Variants in MAST4 observed in about 807,000 individuals in gnomAD.
MAST4 encodes microtubule-associated serine/threonine-protein kinase 4.
MAST4 carries 89 observed loss-of-function variants against 162.7 expected under a neutral mutation model. The ratio of observed to expected loss-of-function variants is 0.55; its 90% CI spans 0.46 to 0.65. MAST4 has a LOEUF of 0.65. Among genes scored for constraint, MAST4 ranks in the 30% least tolerant of loss-of-function variants. MAST4 has a pLI of 0.00. For synonymous variants in MAST4, 1,479 were observed against 1,361.1 expected (o/e 1.09, Z -1.91); for missense variants, 3,153 against 3,374.0 (o/e 0.93, Z 1.62).
At chr5:66,992,296 TAAAAG>T (rs901218535) in intron 4 of MAST4, among the ~76,000 whole-genome samples, 12 of 152,154 alleles carry the variant, frequency 7.9e-5, no homozygotes, top group African/African-American at 2.7e-4. Context: ...ATGAGGAAAA[TAAAAG>T]AGATAGTGTC....
intron 3 of MAST4, among the ~76,000 whole-genome samples, chr5:66,825,607 A>G (rs950212343): frequency 2.6e-5 from 4 of 152,168 alleles, no homozygotes; most frequent in Non-Finnish European, 1.5e-5. Context: ...CTCAGTTGGT[A>G]TTTGGAATTG....
intron 11 of MAST4, 97 bp from the exon 12 acceptor site, chr5:67,113,990 G>T: frequency 7.2e-7 from 1 of 1,379,890 alleles, no homozygotes; most frequent in South Asian, 1.3e-5. Context: ...TTACAGCCAT[G>T]TATACCCAGC....
chr5:66,709,522 G>T (rs2149521668), intron 1 of MAST4, among the ~76,000 whole-genome samples: 1 of 127,352 alleles, frequency 7.9e-6, no homozygotes, highest in East Asian at 2.1e-4. Context: ...TTGCTATGTT[G>T]TCCAGGGTGG....
intron 4 of MAST4, among the ~76,000 whole-genome samples, chr5:66,999,306 G>T (rs891654664): frequency 6.6e-6 from 1 of 152,184 alleles, no homozygotes; most frequent in Non-Finnish European, 1.5e-5. Context: ...GTGCTGGAGT[G>T]TGCTTGCAAG....
At chr5:66,699,314 C>T (rs1314936124) in intron 1 of MAST4, among the ~76,000 whole-genome samples, 2 of 152,202 alleles carry the variant, frequency 1.3e-5, no homozygotes, top group African/African-American at 4.8e-5. Context: ...CTGACTGCCC[C>T]AGCAGCACAC....
intron 1 of MAST4, among the ~76,000 whole-genome samples, chr5:66,728,140 T>A (rs565965409): frequency 1.6e-4 from 25 of 152,326 alleles, no homozygotes; most frequent in Non-Finnish European, 2.6e-4. Flanking sequence ...AAATGGCTAC[T>A]GTTATTTTCT....
At chr5:67,001,161 T>C (rs979867551) in intron 4 of MAST4, among the ~76,000 whole-genome samples, 7 of 152,216 alleles carry the variant, frequency 4.6e-5, no homozygotes, top group African/African-American at 1.7e-4. Flanking sequence ...GCAACTATAG[T>C]TTCTGCCCAT....
intron 1 of MAST4, among the ~76,000 whole-genome samples, chr5:66,697,679 T>C (rs1749493271): frequency 6.6e-6 from 1 of 152,198 alleles, no homozygotes; most frequent in Non-Finnish European, 1.5e-5. Context: ...GTAAAAACAA[T>C]GGCACTCTTT....
intron 4 of MAST4, among the ~76,000 whole-genome samples, chr5:66,980,492 C>G (rs1031503834): frequency 2.0e-5 from 3 of 152,206 alleles, no homozygotes; most frequent in Admixed American, 1.3e-4. Context: ...ATTGATCCCA[C>G]TGACTAAAGA....
rs1383213829 is a variant in MAST4, at chr5:66,983,369, T to C, written c.675-71035T>C. On this transcript the variant is annotated intron_variant, in intron 4 of 28. Transcript: ENST00000403625. ...GTTCCAGAATCTGTATGTGTGACTT[T>C]GGAGCTGATCATTTTCATGATTTTG... is the stretch of plus-strand genomic sequence containing the variant. Among the ~76,000 whole-genome samples, 4 of 152,340 alleles carry C rather than the reference T, an allele frequency of 2.6e-5. No homozygotes were observed. The East Asian group carries it at 7.7e-4, about 29-fold the overall frequency.
intron 4 of MAST4, among the ~76,000 whole-genome samples, chr5:67,017,325 G>C (rs1334469799): frequency 6.6e-6 from 1 of 152,168 alleles, no homozygotes; most frequent in Non-Finnish European, 1.5e-5. Context: ...AATGAAAGAA[G>C]TCTTCCCTTT....
At chr5:67,162,413 C>T (rs530602972) in intron 27 of MAST4, among the ~76,000 whole-genome samples, 194 bp from the exon 28 acceptor site, 1 of 152,282 alleles carries the variant, frequency 6.6e-6, no homozygotes, top group East Asian at 1.9e-4. Context: ...GCTCCATTGT[C>T]TACTATTAAA....
chr5:66,937,498 C>A (rs531239236), intron 4 of MAST4, among the ~76,000 whole-genome samples: 1 of 152,256 alleles, frequency 6.6e-6, no homozygotes, highest in East Asian at 1.9e-4. Flanking sequence ...ACCACTTTCT[C>A]CTCCAATTAC....
At chr5:66,898,971 G>T (rs1246327453) in intron 3 of MAST4, among the ~76,000 whole-genome samples, 1 of 152,170 alleles carries the variant, frequency 6.6e-6, no homozygotes, top group Non-Finnish European at 1.5e-5. Flanking sequence ...GGAAAGGTGA[G>T]TTTGAAGCTG....
chr5:66,839,349 G>A (rs1184034832), intron 3 of MAST4, among the ~76,000 whole-genome samples: 1 of 152,144 alleles, frequency 6.6e-6, no homozygotes, highest in African/African-American at 2.4e-5. Context: ...CTCAAGCCTG[G>A]AGAGAGACTG....
intron 5 of MAST4, 133 bp from the exon 6 acceptor site, chr5:67,090,029 A>G (rs1763655498): frequency 3.1e-6 from 2 of 651,452 alleles, no homozygotes; most frequent in Non-Finnish European, 5.2e-6. Context: ...TGGTCCAGGT[A>G]AAACTAAAGC....
At chr5:66,713,854 G>C (rs13155842) in intron 1 of MAST4, among the ~76,000 whole-genome samples, 43,971 of 151,954 alleles carry the variant, frequency 0.29, 6,828 homozygotes, top group East Asian at 0.55. Flanking sequence ...ACCAGATGGC[G>C]TCTTATTTTT....
intron 3 of MAST4, among the ~76,000 whole-genome samples, chr5:66,857,169 A>C (rs759574975): frequency 2.0e-4 from 30 of 152,152 alleles, no homozygotes; most frequent in African/African-American, 6.0e-4. Context: ...ACGTTTTGGA[A>C]CTTTTTTTCC....
intron 4 of MAST4, among the ~76,000 whole-genome samples, chr5:66,965,224 G>GT (rs1561485927): frequency 3.5e-4 from 25 of 72,370 alleles, no homozygotes; most frequent in African/African-American, 1.0e-3. Context: ...TTTTTTTTTT[G>GT]CTTTTTTTTT....
Sources: gnomAD v4.1 joint callset for allele counts (sites outside exome capture counted in the v4.1 genomes callset) on GRCh38, gnomAD v4.1.1 for gene constraint, MANE v1.5 for transcripts, NCBI Gene and HGNC (gene_info 2026-07-23, HGNC 2026-07-21) for gene names.